Variants in SLC25A38 observed in about 807,000 individuals in gnomAD.
The protein encoded by SLC25A38 is solute carrier family 25 member 38, also known as mitochondrial glycine transporter.
Under a neutral mutation model 33.4 loss-of-function variants are expected in SLC25A38, and 27 were observed. That is an observed-to-expected ratio of 0.81 (90% CI 0.60 to 1.11). The LOEUF is 1.11. Ranked by LOEUF, SLC25A38 falls within the 50% of genes most tolerant of loss-of-function variation. SLC25A38 has a pLI of 0.00. For missense variants in SLC25A38, 344 were observed against 388.8 expected (o/e 0.88, Z 0.97); for synonymous variants, 123 against 145.9 (o/e 0.84, Z 1.13).
At chr3:39,383,860 CGTTGCTAAGGCTCGGCTA>C (rs2041676282) in intron 1 of SLC25A38, 67 bp downstream of exon 1, 5 of 1,568,884 alleles carry the variant, frequency 3.2e-6, no homozygotes, top group South Asian at 2.2e-5. Context: ...GAATTCGGGG[CGTTGCTAAGGCTCGGCTA>C]CCCTTTTCCG....
intron 1 of SLC25A38, chr3:39,384,439 A>T (rs1425139170): frequency 2.7e-6 from 1 of 375,092 alleles, no homozygotes; most frequent in South Asian, 1.5e-4. Context: ...TTAGACGCTA[A>T]AGGCCTGAGG....
rs144149294 is a variant in SLC25A38, at chr3:39,390,470, C to T, written c.239C>T (p.Thr80Met). The change falls in exon 3 of 7, where the codon ACG becomes ATG. Residue 80 changes from threonine (T) to methionine (M), a missense_variant. Physicochemically the swap from Thr to Met is moderately conservative, Grantham distance 81 (BLOSUM62 -1). Around this residue, in one of 2 missense-constraint regions of SLC25A38, gnomAD observed 269 missense variants for 271.8 expected, o/e 0.99. Transcript: ENST00000650617. ...GCTGTACTCTTGAAGGTGGTTCGCA[C>T]GGAGAGTCTTTTGGGCCTTTGGAAA... ...MLAVLLKVVR[T>M]ESLLGLWKGM... 2.9e-5 allele frequency: 46 copies of T among 1,614,020 alleles called. No individual in the cohort carries two copies. Among genetic ancestry groups the T allele is most frequent in the Admixed American group, 1.7e-4 (10 of 59,996 alleles).
chr3:39,384,510 A>T lies in SLC25A38; in HGVS notation c.69+717A>T, dbSNP rs370746297. 2,217 of 312,614 alleles carry T rather than the reference A, an allele frequency of 7.1e-3. 37 individuals are homozygous for T. Among genetic ancestry groups the T allele is most frequent in the African/African-American group, 0.042 (1,863 of 44,476 alleles). The allele number at this position is 312,614 out of a possible 1,614,324, so 19.4% of individuals were successfully genotyped here. On this transcript the variant is annotated intron_variant, in intron 1 of 6. Transcript: ENST00000650617. Reference sequence around the variant, plus strand: ...TGCGCCCGAGGTAGGGGCGGCTTTTATTTTTTTTTTTAATCCTTAAAGGCG... The same window carrying T: ...TGCGCCCGAGGTAGGGGCGGCTTTTTTTTTTTTTTTTAATCCTTAAAGGCG...
rs756063253 is a variant in SLC25A38, at chr3:39,383,757, A to G, written c.33A>G (p.Gln11=). The G allele has an allele frequency of 6.2e-7, 1 of 1,614,098 alleles. No homozygotes were observed. The highest frequency in any genetic ancestry group is 1.7e-5 in the Admixed American group (1 of 60,024). Residue 11 remains glutamine (Q), a synonymous_variant, in exon 1 of 7, where the codon CAA becomes CAG. Transcript: ENST00000650617. The part of the protein sequence containing the change: MIQNSRPSLL[Q]PQDVGDTVET... ...AGAACTCACGTCCGTCGCTGCTGCAACCCCAAGATGTCGGAGACACGGTGG... is the reference window on the plus strand; with the variant it reads ...AGAACTCACGTCCGTCGCTGCTGCAGCCCCAAGATGTCGGAGACACGGTGG...
In SLC25A38 at chr3:39,383,686, G is replaced by A. The variant is rs375182491; in HGVS notation, c.-39G>A. Reference sequence around the variant, plus strand: ...GGGCTGGGCCCAAGCGCCCGTCGACGGCACCCTGGGCCCAGAGGACTCGCG... The same window carrying A: ...GGGCTGGGCCCAAGCGCCCGTCGACAGCACCCTGGGCCCAGAGGACTCGCG... On this transcript the variant is annotated 5_prime_UTR_variant, in exon 1 of 7. Coordinates refer to ENST00000650617, the MANE Select transcript of SLC25A38 (RefSeq NM_017875.4). 6 of 1,613,014 alleles carry A rather than the reference G, an allele frequency of 3.7e-6. No homozygotes were observed. Among genetic ancestry groups the A allele is most frequent in the Admixed American group, 3.3e-5 (2 of 59,992 alleles).
chr3:39,394,208 T>C (rs1365168720), intron 5 of SLC25A38, among the ~76,000 whole-genome samples: 18 of 152,226 alleles, frequency 1.2e-4, no homozygotes, highest in Admixed American at 1.2e-3. Flanking sequence ...GTTATTGTGA[T>C]GGTGGTTTGA....
rs777036452 is a variant in SLC25A38, at chr3:39,396,558, T to A, written c.*38T>A. On this transcript the variant is annotated 3_prime_UTR_variant, in exon 7 of 7. Coordinates refer to ENST00000650617, the MANE Select transcript of SLC25A38 (RefSeq NM_017875.4). ...TGGGAACGGGTGAAATCTGTTGCCC[T>A]GCTTGGTTTCTGCCAAGGGCTGCTG... is the stretch of plus-strand genomic sequence containing the variant. 5 of 1,613,540 alleles carry A rather than the reference T, an allele frequency of 3.1e-6. No homozygotes were observed. The highest frequency in any genetic ancestry group is 4.2e-6 in the Non-Finnish European group (5 of 1,179,968).
At chr3:39,384,873 T>A (rs1013197588) in intron 1 of SLC25A38, among the ~76,000 whole-genome samples, 6 of 151,366 alleles carry the variant, frequency 4.0e-5, no homozygotes, top group African/African-American at 1.5e-4. Flanking sequence ...TGATCTCGGC[T>A]CAACTGCAAC....
In SLC25A38 at chr3:39,383,423, C is replaced by A; in HGVS notation, c.-302C>A. 2.3e-6 allele frequency: 1 copy of A among 430,164 alleles called. No individual in the cohort carries two copies. Among genetic ancestry groups the A allele is most frequent in the South Asian group, 2.4e-5 (1 of 41,696 alleles). 26.6% of individuals were successfully genotyped at this position (430,164 alleles called of 1,614,324 possible). A position where few individuals can be genotyped will look rare whatever the true frequency, so the allele number is the denominator to read the frequency against. On this transcript the variant is annotated 5_prime_UTR_variant, in exon 1 of 7. Transcript: ENST00000650617. The stretch of plus-strand genomic sequence containing the variant: ...GGGATACACAGAACCTCATCTCCTA[C>A]GGTGCTGAAGCCTGCAGCAGGGCAG...
At chr3:39,388,276 A>C (rs2041725961) in intron 1 of SLC25A38, 1 of 152,188 alleles carries the variant, frequency 6.6e-6, no homozygotes, top group Non-Finnish European at 1.5e-5. Context: ...GTCTTATCAG[A>C]CCACCCTTTG....
chr3:39,389,647 T>C lies in SLC25A38; in HGVS notation c.191+31T>C. ...CCCTGCATTTCATTGGGGAACTGAT[T>C]TCAGCAACTTCTCAGACACAGGAAC... On this transcript the variant is annotated intron_variant, in intron 2 of 6. Transcript: ENST00000650617. The surrounding 1 kb of genome is among the most constrained non-coding windows in gnomAD (Gnocchi z 4.5). The C allele has an allele frequency of 6.2e-7, 1 of 1,614,172 alleles. No individual in the cohort carries two copies. The highest frequency in any genetic ancestry group is 2.2e-5 in the East Asian group (1 of 44,886).
chr3:39,383,490 G>T lies in SLC25A38; in HGVS notation c.-235G>T. 1.7e-6 allele frequency: 1 copy of T among 573,402 alleles called. No individual in the cohort carries two copies. Among genetic ancestry groups the T allele is most frequent in the East Asian group, 3.0e-5 (1 of 33,258 alleles). 35.5% of individuals were successfully genotyped at this position (573,402 alleles called of 1,614,324 possible). A position where few individuals can be genotyped will look rare whatever the true frequency, so the allele number is the denominator to read the frequency against. ...GAGCCGCGGAGTCTGCGGCGCGGGTGAAGAGCGGCGCGTAATTCCCGCAGC... is the reference window on the plus strand; with the variant it reads ...GAGCCGCGGAGTCTGCGGCGCGGGTTAAGAGCGGCGCGTAATTCCCGCAGC... On this transcript the variant is annotated 5_prime_UTR_variant, in exon 1 of 7. The change abolishes the stop of an existing upstream ORF in the 5' untranslated region. Transcript: ENST00000650617.
Position 39,396,536 on chromosome 3 carries a change from G to A in SLC25A38, c.*16G>A. ...GAAGTCCTGACCAAGAGAGGACTGG[G>A]AACGGGTGAAATCTGTTGCCCTGCT... On this transcript the variant is annotated 3_prime_UTR_variant, in exon 7 of 7. Transcript: ENST00000650617. The A allele has an allele frequency of 6.2e-7, 1 of 1,613,986 alleles. No homozygotes were observed. The highest frequency in any genetic ancestry group is 1.1e-5 in the South Asian group (1 of 91,072).
chr3:39,392,018 C>T lies in SLC25A38; in HGVS notation c.622C>T (p.His208Tyr). 1.2e-6 allele frequency: 2 copies of T among 1,614,132 alleles called. No individual in the cohort carries two copies. Among genetic ancestry groups the T allele is most frequent in the Non-Finnish European group, 8.5e-7 (1 of 1,180,022 alleles). The change falls in exon 5 of 7, where the codon CAT becomes TAT. Residue 208 changes from histidine to tyrosine, a missense_variant. Transcript: ENST00000650617. ...CAACCAGACCAAAAATATAGTGCCT[C>T]ATGGTAGGGATAAAGGAAGATCTGG... ...FYNQTKNIVP[H>Y]DQVDATLIPI...
In SLC25A38 at chr3:39,384,455, G is replaced by T. The variant is rs1575240744; in HGVS notation, c.69+662G>T. 1.6e-5 allele frequency: 6 copies of T among 379,420 alleles called. No individual in the cohort carries two copies. In the East Asian group the frequency reaches 2.2e-4, roughly 14 times the overall value. 23.5% of individuals were successfully genotyped at this position (379,420 alleles called of 1,614,324 possible). ...TAGACGCTAAAGGCCTGAGGCCACT[G>T]CAGCTGCCGCAGCTCTCCCTCTGAG... is the stretch of plus-strand genomic sequence containing the variant. On this transcript the variant is annotated intron_variant, in intron 1 of 6. Coordinates refer to ENST00000650617, the MANE Select transcript of SLC25A38 (RefSeq NM_017875.4).
intron 3 of SLC25A38, among the ~76,000 whole-genome samples, chr3:39,390,737 A>AT (rs2041756808): frequency 6.6e-6 from 1 of 152,220 alleles, no homozygotes; most frequent in Admixed American, 6.5e-5. Context: ...TCTCTACAGC[A>AT]TAGGTACCTA....
intron 5 of SLC25A38, among the ~76,000 whole-genome samples, 164 bp downstream of exon 5, chr3:39,392,185 T>G (rs2041778817): frequency 6.6e-6 from 1 of 151,276 alleles, no homozygotes; most frequent in African/African-American, 2.4e-5. Flanking sequence ...TATGACAAAC[T>G]TGATCCCTGC....
intron 5 of SLC25A38, 151 bp downstream of exon 5, chr3:39,392,172 G>A: frequency 9.6e-7 from 1 of 1,045,506 alleles, no homozygotes; most frequent in Non-Finnish European, 1.4e-6. Context: ...ATGCAAAGGT[G>A]GATATGACAA....
rs1055218663 is a variant in SLC25A38 at position 39,389,098 on chromosome 3, C to T, written c.70-397C>T. 2.0e-5 allele frequency among the ~76,000 whole-genome samples: 3 copies of T among 152,146 alleles called. No homozygotes were observed. Among genetic ancestry groups the T allele is most frequent in the African/African-American group, 4.8e-5 (2 of 41,416 alleles). On this transcript the variant is annotated intron_variant, in intron 1 of 6. Transcript: ENST00000650617. The surrounding 1 kb of genome is among the most constrained non-coding windows in gnomAD (Gnocchi z 4.5). ...CTATAAATACCTATAGGTCTTAGAG[C>T]GAAGGGAGTCTGCACATCATCAGTT... is the stretch of plus-strand genomic sequence containing the variant.
Sources: gnomAD v4.1 joint callset for allele counts (sites outside exome capture counted in the v4.1 genomes callset) on GRCh38, gnomAD v4.1.1 for gene constraint, gnomAD v4.1.1 regional missense constraint, Gnocchi (gnomAD v3.1) non-coding constraint, MANE v1.5 for transcripts, NCBI Gene and HGNC (gene_info 2026-07-23, HGNC 2026-07-21) for gene names.